ESR1: variants seen among roughly 807,000 people sequenced by gnomAD.
The protein encoded by ESR1 is estrogen receptor 1, also known as estrogen receptor.
A neutral mutation model predicts 52.7 loss-of-function variants in ESR1; 12 were observed. The observed-to-expected ratio is 0.23, with a 90% CI of 0.15 to 0.37. The LOEUF is 0.37. ESR1 is among the 10% of genes least tolerant of loss of function. The pLI is 1.00. For missense variants in ESR1, 584 were observed against 779.7 expected (o/e 0.75, Z 2.99); for synonymous variants, 305 against 316.8 (o/e 0.96, Z 0.39).
chr6:151,734,812 G>C (rs574844820), intron 2 of ESR1, among the ~76,000 whole-genome samples: 3 of 151,814 alleles, frequency 2.0e-5, no homozygotes, highest in African/African-American at 7.3e-5. Context: ...AGTAGAGATG[G>C]GGTTTCATCA....
At chr6:152,040,109 G>C (rs541030804) in intron 5 of ESR1, among the ~76,000 whole-genome samples, 1 of 152,308 alleles carries the variant, frequency 6.6e-6, no homozygotes, top group South Asian at 2.1e-4. Context: ...CTGCCACCAA[G>C]TAGCTGGCTG....
chr6:151,892,319 C>T (rs370720681), intron 3 of ESR1, among the ~76,000 whole-genome samples: 7 of 152,196 alleles, frequency 4.6e-5, no homozygotes, highest in African/African-American at 1.7e-4. Flanking sequence ...TTGGGAGCAA[C>T]TGCCGCAGCT....
intron 2 of ESR1, among the ~76,000 whole-genome samples, chr6:151,717,871 T>C (rs1781170631): frequency 6.6e-6 from 1 of 152,216 alleles, no homozygotes; most frequent in Admixed American, 6.5e-5. Context: ...ACAAGAGTTT[T>C]AGATGGAATT....
chr6:151,928,142 G>A (rs2033041990), intron 3 of ESR1, among the ~76,000 whole-genome samples: 1 of 152,068 alleles, frequency 6.6e-6, no homozygotes, highest in Non-Finnish European at 1.5e-5. Flanking sequence ...ATTGGCATCT[G>A]CTCTAATTTC....
intron 1 of ESR1, chr6:151,809,351 C>A: frequency 3.7e-6 from 1 of 268,234 alleles, no homozygotes; most frequent in Non-Finnish European, 8.1e-6. Context: ...TTTCTCTTGC[C>A]CAGTTTCTCC....
chr6:151,834,758 T>G (rs1019997474), intron 1 of ESR1, among the ~76,000 whole-genome samples: 1 of 151,644 alleles, frequency 6.6e-6, no homozygotes, highest in Non-Finnish European at 1.5e-5. Context: ...TAGGCTCGTT[T>G]AGAATGGTGT....
chr6:151,683,864 ATT>A (rs66983259), intron 1 of ESR1, among the ~76,000 whole-genome samples: 4,738 of 118,350 alleles, frequency 0.04, 81 homozygotes, highest in South Asian at 0.059. Flanking sequence ...ACGTCTGGCT[ATT>A]TTTTTTTTTT....
At chr6:151,765,630 T>C (rs1784992256) in intron 2 of ESR1, among the ~76,000 whole-genome samples, 1 of 152,236 alleles carries the variant, frequency 6.6e-6, no homozygotes, top group East Asian at 1.9e-4. Flanking sequence ...ACCCTGTAGA[T>C]GGCAGCACTT....
chr6:151,972,172 A>G (rs1048990196), intron 4 of ESR1, among the ~76,000 whole-genome samples: 1 of 152,170 alleles, frequency 6.6e-6, no homozygotes, highest in African/African-American at 2.4e-5. Context: ...AAAAATTGCC[A>G]ACAAAAAAAG....
chr6:151,906,010 C>T (rs988460807), intron 3 of ESR1, among the ~76,000 whole-genome samples: 1 of 152,096 alleles, frequency 6.6e-6, no homozygotes, highest in African/African-American at 2.4e-5. Flanking sequence ...AGGTCATCTC[C>T]AAGGTCTGAG....
chr6:152,089,990 G>C (rs1319538593), intron 6 of ESR1, among the ~76,000 whole-genome samples: 2 of 152,182 alleles, frequency 1.3e-5, no homozygotes, highest in Non-Finnish European at 2.9e-5. Context: ...AGGACATCCA[G>C]TACAGTCCCT....
intron 5 of ESR1, among the ~76,000 whole-genome samples, chr6:152,059,754 T>C (rs967725921): frequency 4.6e-5 from 7 of 152,134 alleles, no homozygotes; most frequent in African/African-American, 1.7e-4. Context: ...TCCAAAGACA[T>C]AAACATAAGG....
chr6:151,994,072 A>G lies in ESR1; in HGVS notation c.1097-17584A>G, dbSNP rs116590442. Among the ~76,000 whole-genome samples, 624 of 152,282 alleles carry G rather than the reference A, an allele frequency of 4.1e-3. 4 individuals carry two copies. Among genetic ancestry groups the G allele is most frequent in the African/African-American group, 0.014 (581 of 41,556 alleles). On this transcript the variant is annotated intron_variant, in intron 4 of 7. Transcript: ENST00000206249. ...CTAGAAGGTAGTTACTAATATTATC[A>G]CTATTTTTAAATGGGGAAACTGAGT...
chr6:151,679,768 G>T (rs1778385768), intron 1 of ESR1, among the ~76,000 whole-genome samples: 1 of 152,120 alleles, frequency 6.6e-6, no homozygotes. Flanking sequence ...TCCTTTTTGT[G>T]ACTGCAGCTG....
chr6:151,868,130 TG>T (rs1297460413), intron 2 of ESR1, among the ~76,000 whole-genome samples: 2 of 151,864 alleles, frequency 1.3e-5, no homozygotes, highest in African/African-American at 2.4e-5. Context: ...TGTTTTTTTT[TG>T]TTTGTTTGTT....
At chr6:151,904,065 A>G (rs879616134) in intron 3 of ESR1, among the ~76,000 whole-genome samples, 2 of 152,196 alleles carry the variant, frequency 1.3e-5, no homozygotes, top group Non-Finnish European at 2.9e-5. Context: ...TAAGTCTATT[A>G]TTCAGGTCAC....
chr6:151,735,325 T>A (rs1782564109), intron 2 of ESR1, among the ~76,000 whole-genome samples: 1 of 152,236 alleles, frequency 6.6e-6, no homozygotes, highest in Admixed American at 6.5e-5. Context: ...CTCATTTAAG[T>A]AGGATGGTCC....
chr6:151,727,781 G>T (rs1362167180), intron 2 of ESR1, among the ~76,000 whole-genome samples: 1 of 152,122 alleles, frequency 6.6e-6, no homozygotes, highest in Non-Finnish European at 1.5e-5. Flanking sequence ...ATTCTCATGA[G>T]ATCTGATAGT....
chr6:152,050,864 G>C (rs28572527), intron 5 of ESR1, among the ~76,000 whole-genome samples: 1 of 152,224 alleles, frequency 6.6e-6, no homozygotes, highest in African/African-American at 2.4e-5. Context: ...TCAATTGTCA[G>C]TCAGCTGTTT....
Sources: gnomAD v4.1 joint callset for allele counts (sites outside exome capture counted in the v4.1 genomes callset) on GRCh38, gnomAD v4.1.1 for gene constraint, MANE v1.5 for transcripts, NCBI Gene and HGNC (gene_info 2026-07-23, HGNC 2026-07-21) for gene names.